The following CYRIA variants were observed in gnomAD, a reference collection of about 807,000 sequenced individuals.
CYRIA encodes CYFIP-related Rac1 interactor A.
A neutral mutation model predicts 43.9 loss-of-function variants in CYRIA; 15 were observed. The ratio of observed to expected loss-of-function variants is 0.34; its 90% CI spans 0.23 to 0.53. The LOEUF (loss-of-function observed/expected upper bound fraction) is 0.53. Ranked by LOEUF, CYRIA falls within the 20% of genes least tolerant of loss-of-function variation. The pLI is 0.94. For missense variants in CYRIA, 236 were observed against 394.2 expected, an observed-to-expected ratio of 0.60 and a Z score of 3.40; for synonymous variants, 117 against 136.0, an observed-to-expected ratio of 0.86 and a Z score of 0.97.
rs191676735 is a variant in CYRIA, at chr2:16,603,218, T to G, written c.-10-15089A>C. ...GCACATCCCATCCCTAGAGTGGCTC[T>G]GCTCTTGACTGCCTCAGGGCCCTTG... On this transcript the variant is annotated intron_variant, in intron 2 of 11. Transcript: ENST00000381323. Among the ~76,000 whole-genome samples the G allele has an allele frequency of 4.8e-3, 735 of 152,316 alleles. 4 individuals carry two copies. The highest frequency in any genetic ancestry group is 0.017 in the African/African-American group (713 of 41,590).
intron 1 of CYRIA, among the ~76,000 whole-genome samples, chr2:16,635,977 G>C (rs75876567): frequency 1.3e-5 from 2 of 152,092 alleles, no homozygotes; most frequent in Non-Finnish European, 2.9e-5. Flanking sequence ...AAACGCGACC[G>C]ACATTGTGGC....
chr2:16,643,866 A>T (rs1290921055), intron 1 of CYRIA, among the ~76,000 whole-genome samples: 1 of 152,260 alleles, frequency 6.6e-6, no homozygotes, highest in South Asian at 2.1e-4. Context: ...ACAGCATTCC[A>T]CTAGGCTTCA....
intron 5 of CYRIA, among the ~76,000 whole-genome samples, chr2:16,562,800 T>C (rs537694330): frequency 4.0e-4 from 61 of 152,290 alleles, no homozygotes; most frequent in African/African-American, 1.4e-3. Flanking sequence ...GGTCCATTAC[T>C]TGTGTTTTGT....
intron 1 of CYRIA, among the ~76,000 whole-genome samples, chr2:16,631,315 A>T (rs544616365): frequency 6.6e-6 from 1 of 152,360 alleles, no homozygotes; most frequent in East Asian, 1.9e-4. Flanking sequence ...TGATGGTTGA[A>T]TTGTAAACTT....
chr2:16,637,256 CTGAG>C (rs1246805356), intron 1 of CYRIA, among the ~76,000 whole-genome samples: 2 of 152,312 alleles, frequency 1.3e-5, no homozygotes, highest in East Asian at 1.9e-4. Flanking sequence ...CTTCTAGGGA[CTGAG>C]TGTTTGTATC....
At chr2:16,555,963 A>G (rs1006745186) in intron 10 of CYRIA, among the ~76,000 whole-genome samples, 2 of 152,176 alleles carry the variant, frequency 1.3e-5, no homozygotes, top group Non-Finnish European at 2.9e-5. Flanking sequence ...TTGTGTCTGT[A>G]TAATATAGTT....
rs191248535 is a variant in CYRIA at position 16,582,364 on chromosome 2, C to T, written c.70+5686G>A. ...TTTACAACTTTGTTGAGATTTAATT[C>T]ACGTGCCATACGATTTGCCCATTTA... On this transcript the variant is annotated intron_variant, in intron 3 of 11. Coordinates refer to ENST00000381323, the MANE Select transcript of CYRIA (RefSeq NM_030797.4). Among the ~76,000 whole-genome samples, 259 of 152,276 alleles carry T rather than the reference C, an allele frequency of 1.7e-3. 1 individual carries two copies. The highest frequency in any genetic ancestry group is 6.1e-3 in the African/African-American group (252 of 41,566).
intron 1 of CYRIA, among the ~76,000 whole-genome samples, chr2:16,645,830 C>T (rs1257921666): frequency 6.6e-6 from 1 of 152,096 alleles, no homozygotes; most frequent in Non-Finnish European, 1.5e-5. Context: ...AAAAGTATGA[C>T]CTGATATGCC....
At chr2:16,655,300 C>T (rs1042311791) in intron 1 of CYRIA, among the ~76,000 whole-genome samples, 23 of 152,156 alleles carry the variant, frequency 1.5e-4, no homozygotes, top group Non-Finnish European at 4.4e-5. Flanking sequence ...GGGCTTGCCT[C>T]ACCAACCCAG....
At position 16,567,494 on chromosome 2, in the gene CYRIA, A is replaced by G. The variant is rs113500405; in HGVS notation, c.71-1727T>C. ...GTGACGGCGAAGTGGGGCACTGGCT[A>G]TGCTGACTTGGTGTTCAGAAATGCT... On this transcript the variant is annotated intron_variant, in intron 3 of 11. Transcript: ENST00000381323. Among the ~76,000 whole-genome samples the G allele has an allele frequency of 1.9e-3, 296 of 152,278 alleles. 2 individuals carry two copies. Among genetic ancestry groups the G allele is most frequent in the African/African-American group, 6.8e-3 (283 of 41,556 alleles).
At chr2:16,576,029 A>G (rs1667334118) in intron 3 of CYRIA, among the ~76,000 whole-genome samples, 1 of 152,130 alleles carries the variant, frequency 6.6e-6, no homozygotes, top group African/African-American at 2.4e-5. Flanking sequence ...ATGGAACTGT[A>G]AGTCCATTAA....
intron 3 of CYRIA, among the ~76,000 whole-genome samples, chr2:16,584,481 A>C (rs1408998885): frequency 6.6e-6 from 1 of 152,152 alleles, no homozygotes; most frequent in African/African-American, 2.4e-5. Context: ...GGACTGCTCA[A>C]GCCCCCTTTA....
chr2:16,573,877 G>A (rs551453380), intron 3 of CYRIA, among the ~76,000 whole-genome samples: 43 of 152,260 alleles, frequency 2.8e-4, no homozygotes, highest in Non-Finnish European at 4.7e-4. Flanking sequence ...TCAGTAGCTC[G>A]TGAAAATGAA....
intron 2 of CYRIA, among the ~76,000 whole-genome samples, chr2:16,617,913 G>A (rs1331690049): frequency 6.6e-6 from 1 of 152,174 alleles, no homozygotes. Flanking sequence ...AAGGTTAACT[G>A]GTGACTCAGT....
intron 1 of CYRIA, among the ~76,000 whole-genome samples, chr2:16,634,640 A>G (rs960552988): frequency 1.3e-5 from 2 of 149,776 alleles, no homozygotes; most frequent in Admixed American, 6.6e-5. Context: ...CTTTCCCCAC[A>G]GCACATCACA....
chr2:16,562,498 C>T (rs907480693), intron 5 of CYRIA, among the ~76,000 whole-genome samples: 14 of 152,108 alleles, frequency 9.2e-5, no homozygotes, highest in African/African-American at 2.7e-4. Flanking sequence ...TGAGATGAGA[C>T]GGTGCCCTAA....
chr2:16,592,694 C>G (rs528346394), intron 2 of CYRIA, among the ~76,000 whole-genome samples: 21 of 152,096 alleles, frequency 1.4e-4, no homozygotes, highest in Non-Finnish European at 2.9e-4. Context: ...TCAGCTCATT[C>G]TCAAATATGA....
At chr2:16,588,023 T>A in intron 3 of CYRIA, 27 bp downstream of exon 3, 2 of 1,441,560 alleles carry the variant, frequency 1.4e-6, no homozygotes, top group Non-Finnish European at 9.7e-7. Context: ...TAAAAAAGTT[T>A]CCATTATTAT....
chr2:16,662,874 T>C (rs1337672273), intron 1 of CYRIA, among the ~76,000 whole-genome samples: 4 of 152,234 alleles, frequency 2.6e-5, no homozygotes. Flanking sequence ...TGTCTAACTG[T>C]ATTATAAGGA....
Sources: gnomAD v4.1 joint callset for allele counts (sites outside exome capture counted in the v4.1 genomes callset) on GRCh38, gnomAD v4.1.1 for gene constraint, MANE v1.5 for transcripts, NCBI Gene and HGNC (gene_info 2026-07-23, HGNC 2026-07-21) for gene names.